THSD4: variants seen among roughly 807,000 people sequenced by gnomAD.
THSD4 encodes the protein thrombospondin type-1 domain-containing protein 4.
In THSD4, 69 loss-of-function variants were observed where a neutral mutation model predicts 119.0. That is an observed-to-expected ratio of 0.58 (90% CI 0.48 to 0.71). The LOEUF (loss-of-function observed/expected upper bound fraction) is 0.71. Among genes scored for constraint, THSD4 ranks in the 30% least tolerant of loss-of-function variants. The probability of loss-of-function intolerance (pLI) is 0.00; values close to 1 mark genes in which losing one functional copy is unlikely to be tolerated. For synonymous variants in THSD4, 524 were observed against 540.4 expected (o/e 0.97, Z 0.42); for missense variants, 1,393 against 1,391.1 (o/e 1.00, Z -0.02).
At chr15:71,637,445 A>G (rs145191599) in intron 7 of THSD4, among the ~76,000 whole-genome samples, 15 of 152,312 alleles carry the variant, frequency 9.8e-5, no homozygotes, top group Admixed American at 5.2e-4. Context: ...GTGTCGTGGA[A>G]GGCAGTGGCA....
intron 6 of THSD4, among the ~76,000 whole-genome samples, chr15:71,343,507 C>T (rs181457791): frequency 4.1e-4 from 63 of 152,190 alleles, no homozygotes; most frequent in African/African-American, 1.4e-3. Flanking sequence ...AGGGTGAATC[C>T]TCACTTTCCT....
intron 6 of THSD4, among the ~76,000 whole-genome samples, chr15:71,281,245 C>T (rs548648913): frequency 1.3e-5 from 2 of 152,320 alleles, no homozygotes; most frequent in South Asian, 2.1e-4. Flanking sequence ...TATTGTTCTG[C>T]GCATTCATGC....
At chr15:71,508,084 A>G (rs951977454) in intron 7 of THSD4, among the ~76,000 whole-genome samples, 13 of 152,226 alleles carry the variant, frequency 8.5e-5, no homozygotes, top group Non-Finnish European at 1.8e-4. Flanking sequence ...AACATTGCTA[A>G]GGGGGCGGGA....
intron 7 of THSD4, among the ~76,000 whole-genome samples, chr15:71,454,911 C>T (rs2047316353): frequency 6.6e-6 from 1 of 152,184 alleles, no homozygotes; most frequent in African/African-American, 2.4e-5. Context: ...GAGGAATAAA[C>T]ACTCTCTCCT....
intron 7 of THSD4, among the ~76,000 whole-genome samples, chr15:71,633,020 C>G (rs1035151811): frequency 6.6e-6 from 1 of 152,018 alleles, no homozygotes; most frequent in African/African-American, 2.4e-5. Context: ...GACAGCTTGC[C>G]TTTTTTCAGG....
chr15:71,349,314 AT>A (rs1226968559), intron 6 of THSD4, among the ~76,000 whole-genome samples: 1 of 152,028 alleles, frequency 6.6e-6, no homozygotes, highest in Non-Finnish European at 1.5e-5. Context: ...TCCCTTTCTT[AT>A]TTTTTTCTCT....
At chr15:71,309,632 C>T (rs2045083565) in intron 6 of THSD4, among the ~76,000 whole-genome samples, 1 of 152,080 alleles carries the variant, frequency 6.6e-6, no homozygotes, top group South Asian at 2.1e-4. Flanking sequence ...GTTTTAGATC[C>T]CTGACCCATT....
intron 4 of THSD4, among the ~76,000 whole-genome samples, chr15:71,217,281 C>CAAA (rs2043940930): frequency 1.1e-4 from 17 of 152,070 alleles, no homozygotes; most frequent in Admixed American, 1.0e-3. Context: ...TCTCACCAAG[C>CAAA]AGGATACAAC....
chr15:71,510,825 TTG>T (rs2048271145), intron 7 of THSD4, among the ~76,000 whole-genome samples: 1 of 152,074 alleles, frequency 6.6e-6, no homozygotes, highest in Non-Finnish European at 1.5e-5. Flanking sequence ...TTACCTCAGA[TTG>T]CCATCAAAGA....
intron 7 of THSD4, chr15:71,547,771 T>C (rs1217090108): frequency 4.1e-6 from 1 of 241,778 alleles, no homozygotes; most frequent in African/African-American, 2.3e-5. Flanking sequence ...CTTCTCCTGC[T>C]GTAGCAGAAA....
chr15:71,743,432 G>A (rs765385244), intron 11 of THSD4, among the ~76,000 whole-genome samples: 336 of 152,264 alleles, frequency 2.2e-3, no homozygotes, highest in Non-Finnish European at 2.1e-3. Context: ...CTTAATAGCC[G>A]GGTCCCACTG....
intron 8 of THSD4, among the ~76,000 whole-genome samples, chr15:71,699,513 AT>A (rs2052241549): frequency 2.0e-5 from 3 of 152,190 alleles, no homozygotes; most frequent in Non-Finnish European, 4.4e-5. Flanking sequence ...GTTTCTCTGC[AT>A]TAGACATTTC....
intron 6 of THSD4, among the ~76,000 whole-genome samples, chr15:71,396,577 A>C (rs1206137102): frequency 1.3e-5 from 2 of 152,174 alleles, no homozygotes; most frequent in African/African-American, 4.8e-5. Flanking sequence ...ATACGTATCT[A>C]TTCTGTGTTT....
At chr15:71,120,703 G>A (rs2040401964) in intron 1 of THSD4, among the ~76,000 whole-genome samples, 2 of 152,258 alleles carry the variant, frequency 1.3e-5, no homozygotes, top group Non-Finnish European at 2.9e-5. Flanking sequence ...CATGGGCTGG[G>A]AGCTCGTCAT....
chr15:71,280,508 A>G (rs181834647), intron 6 of THSD4, among the ~76,000 whole-genome samples: 42 of 151,710 alleles, frequency 2.8e-4, no homozygotes, highest in African/African-American at 9.7e-4. Context: ...TGTAAGCTAT[A>G]ATATGTATTT....
intron 10 of THSD4, among the ~76,000 whole-genome samples, chr15:71,736,622 TCTCTCTCTCACTTG>T (rs796880757): frequency 8.9e-4 from 135 of 152,198 alleles, no homozygotes; most frequent in African/African-American, 3.2e-3. Context: ...TGTCTCTCTG[TCTCTCTCTCACTTG>T]CTCTCTCTCT....
chr15:71,600,872 G>A (rs1215157639), intron 7 of THSD4, among the ~76,000 whole-genome samples: 1 of 151,768 alleles, frequency 6.6e-6, no homozygotes, highest in Admixed American at 6.6e-5. Flanking sequence ...TCAGCCTCCT[G>A]AGTAGCTGGG....
rs541644797 is a variant in THSD4 at position 71,662,267 on chromosome 15, G to C, written c.1357+1533G>C. On this transcript the variant is annotated intron_variant, in intron 8 of 17. Coordinates refer to ENST00000261862, the MANE Select transcript of THSD4 (RefSeq NM_024817.3). Reference sequence around the variant, plus strand: ...AGCCAAAACTAAGTGGTTTTACGGGGGGGGAGGAGGAAGGGATGGCAGATG... The same window carrying C: ...AGCCAAAACTAAGTGGTTTTACGGGCGGGGAGGAGGAAGGGATGGCAGATG... Among the ~76,000 whole-genome samples, 74 of 152,240 alleles carry C rather than the reference G, an allele frequency of 4.9e-4. No homozygotes were observed. In the South Asian group the frequency reaches 0.011, roughly 23 times the overall value.
At chr15:71,293,204 TG>T (rs1219280844) in intron 6 of THSD4, among the ~76,000 whole-genome samples, 1 of 152,214 alleles carries the variant, frequency 6.6e-6, no homozygotes, top group Non-Finnish European at 1.5e-5. Flanking sequence ...AGTTGGTTGA[TG>T]AGCTTTTCTT....
Sources: allele counts gnomAD v4.1 joint callset (sites outside exome capture counted in the v4.1 genomes callset), GRCh38; gene constraint gnomAD v4.1.1; transcripts MANE v1.5; gene names NCBI Gene and HGNC (gene_info 2026-07-23, HGNC 2026-07-21).